KDM2B: variants seen among roughly 807,000 people sequenced by gnomAD.
KDM2B encodes the protein lysine-specific demethylase 2B.
A neutral mutation model predicts 150.0 loss-of-function variants in KDM2B; 26 were observed. That is an observed-to-expected ratio of 0.17 (90% confidence interval 0.13 to 0.24). The LOEUF (loss-of-function observed/expected upper bound fraction) is 0.24. Ranked by LOEUF, KDM2B falls within the 10% of genes least tolerant of loss-of-function variation. The pLI is 1.00. For missense variants in KDM2B, 1,265 were observed against 1,816.9 expected (o/e 0.70, Z 5.52); for synonymous variants, 734 against 729.5 (o/e 1.01, Z -0.10).
chr12:121,446,161 C>T (rs185415303), intron 13 of KDM2B, among the ~76,000 whole-genome samples: 187 of 152,180 alleles, frequency 1.2e-3, no homozygotes, highest in Middle Eastern at 3.4e-3. Context: ...TTTGGGAGGC[C>T]AAGGCGGGCG....
intron 2 of KDM2B, among the ~76,000 whole-genome samples, chr12:121,576,626 T>C (rs570084557): frequency 2.6e-4 from 39 of 152,238 alleles, no homozygotes; most frequent in African/African-American, 9.1e-4. Flanking sequence ...CCCAAATCCT[T>C]ACCCAAAGTC....
chr12:121,420,247 A>T, the KDM2B span: 4 of 1,608,906 alleles, frequency 2.5e-6, no homozygotes, highest in Admixed American at 6.7e-5. Flanking sequence ...TGTAGGTACA[A>T]AGTGAAATCA....
At position 121,467,256 on chromosome 12, in the gene KDM2B, C is replaced by A; in HGVS notation, c.1735-13912G>T. 2.0e-6 allele frequency: 2 copies of A among 987,694 alleles called. No homozygotes were observed. The highest frequency in any genetic ancestry group is 2.4e-6 in the Non-Finnish European group (2 of 832,760). 61.2% of individuals were successfully genotyped at this position (987,694 alleles called of 1,614,324 possible). A position where few individuals can be genotyped will look rare whatever the true frequency, so the allele number is the denominator to read the frequency against. On this transcript the variant is annotated intron_variant, in intron 12 of 22. Transcript: ENST00000377071. This position sits in a 1 kb window ranked among gnomAD's most constrained non-coding sequence, Gnocchi z 5.1. ...CTCGCGCGCGCTGACATGGCTGGAG[C>A]GGCGCCGCCGCCGCCGCCCGCCCGG... is the stretch of plus-strand genomic sequence containing the variant.
Position 121,442,511 on chromosome 12 carries a change from G to C in KDM2B, c.2930C>G (p.Pro977Arg). 1.9e-6 allele frequency: 3 copies of C among 1,599,644 alleles called. No individual in the cohort carries two copies. Among genetic ancestry groups the C allele is most frequent in the Non-Finnish European group, 2.5e-6 (3 of 1,179,870 alleles). ...NENQQPIKSE[P>R]ESEGEEPKRP... The stretch of plus-strand genomic sequence containing the variant: ...CTTGGGCTCCTCGCCCTCGCTCTCA[G>C]GCTCCGACTTGATGGGCTGCTGGTT... Residue 977 changes from proline (P) to arginine (R), a missense_variant, in exon 19 of 23, where the codon CCT becomes CGT. By Grantham distance (103) the Pro-to-Arg change is moderately radical. Around this residue, in one of 11 missense-constraint regions of KDM2B, gnomAD observed 418 missense variants for 402.4 expected, o/e 1.04. Transcript: ENST00000377071. The surrounding 1 kb of genome is among the most constrained non-coding windows in gnomAD (Gnocchi z 7.7).
chr12:121,415,749 G>C, the KDM2B span, among the ~76,000 whole-genome samples: 1 of 151,834 alleles, frequency 6.6e-6, no homozygotes, highest in African/African-American at 2.4e-5. Flanking sequence ...TAAAATACAG[G>C]GTGCCTGAAA....
chr12:121,539,247 T>A (rs994398193), intron 6 of KDM2B, among the ~76,000 whole-genome samples: 2 of 141,892 alleles, frequency 1.4e-5, no homozygotes, highest in Non-Finnish European at 3.0e-5. Context: ...GTGGGAGGAC[T>A]GCTTCACCTC....
In KDM2B at chr12:121,441,319, A is replaced by C. The variant is rs1593740097; in HGVS notation, c.3285-86T>G. On this transcript the variant is annotated intron_variant, in intron 19 of 22. Transcript: ENST00000377071. ...CACAGCTCTTAACTGTCCCCACCTA[A>C]CAACCTCTGGGAGGCTCCTTAACTC... The C allele has an allele frequency of 1.3e-5, 18 of 1,340,368 alleles. No individual in the cohort carries two copies. In the East Asian group the frequency reaches 4.2e-4, roughly 31 times the overall value. 83.0% of individuals were successfully genotyped at this position (1,340,368 alleles called of 1,614,324 possible).
At chr12:121,543,198 A>G (rs1233638959) in intron 6 of KDM2B, among the ~76,000 whole-genome samples, 8 of 152,110 alleles carry the variant, frequency 5.3e-5, no homozygotes, top group African/African-American at 9.7e-5. Flanking sequence ...TCTACTAAAA[A>G]TACAAAAATT....
chr12:121,411,442 A>C, the KDM2B span, among the ~76,000 whole-genome samples: 1 of 152,156 alleles, frequency 6.6e-6, no homozygotes, highest in African/African-American at 2.4e-5. Context: ...TAGTTGAAAA[A>C]AAAATTTTCA....
chr12:121,506,629 C>A (rs1885093321), intron 11 of KDM2B, among the ~76,000 whole-genome samples: 2 of 151,866 alleles, frequency 1.3e-5, no homozygotes, highest in African/African-American at 4.8e-5. Flanking sequence ...CGGTGAAACC[C>A]CCATCTCTAC....
In KDM2B at chr12:121,442,572, C is replaced by T; in HGVS notation, c.2869G>A (p.Glu957Lys). The T allele has an allele frequency of 1.2e-6, 2 of 1,600,930 alleles. No individual in the cohort carries two copies. ...SRELSKELNH[E>K]IQRTENSLAN... ...AGGCTGTTCTCCGTCCTCTGGATCT[C>T]GTGGTTGAGCTCCTTGCTCAGCTCC... The change falls in exon 19 of 23, where the codon GAG (glutamate) becomes AAG (lysine). Residue 957 changes from glutamate to lysine, a missense_variant. Around this residue, in one of 11 missense-constraint regions of KDM2B, gnomAD observed 418 missense variants for 402.4 expected, o/e 1.04. Coordinates refer to ENST00000377071, the MANE Select transcript of KDM2B (RefSeq NM_032590.5). The surrounding 1 kb of genome is among the most constrained non-coding windows in gnomAD (Gnocchi z 7.7).
Position 121,521,115 on chromosome 12 carries a change from G to GC in KDM2B, c.932-16dup. Reference sequence around the variant, plus strand: ...ATGGATCCAACCTGGGGTGGGAAGGGCAAGGAGAGGATGAGCCGCTGGCCC... The same window carrying GC: ...ATGGATCCAACCTGGGGTGGGAAGGGCCAAGGAGAGGATGAGCCGCTGGCCC... On this transcript the variant is annotated splice_polypyrimidine_tract_variant and intron_variant, in intron 8 of 22. Transcript: ENST00000377071. The surrounding 1 kb of genome is among the most constrained non-coding windows in gnomAD (Gnocchi z 4.9). 6.3e-7 allele frequency: 1 copy of GC among 1,585,274 alleles called. No individual in the cohort carries two copies. Among genetic ancestry groups the GC allele is most frequent in the Non-Finnish European group, 8.7e-7 (1 of 1,154,248 alleles).
intron 12 of KDM2B, among the ~76,000 whole-genome samples, chr12:121,465,610 A>G (rs954395567): frequency 2.6e-5 from 4 of 152,180 alleles, no homozygotes; most frequent in South Asian, 2.1e-4. Context: ...CAGAGACACA[A>G]TAAGTCTTGC....
chr12:121,412,397 G>A, the KDM2B span, among the ~76,000 whole-genome samples: 3 of 150,982 alleles, frequency 2.0e-5, no homozygotes, highest in Non-Finnish European at 4.4e-5. Flanking sequence ...CCGCCACCAC[G>A]CCAGGCTAAT....
chr12:121,480,366 T>C (rs1437903155), intron 12 of KDM2B, among the ~76,000 whole-genome samples: 2 of 152,096 alleles, frequency 1.3e-5, no homozygotes, highest in African/African-American at 4.8e-5. Flanking sequence ...GACAAATGCA[T>C]AGAGTGGGAT....
At chr12:121,421,399 C>CA in the KDM2B span, among the ~76,000 whole-genome samples, 2 of 89,934 alleles carry the variant, frequency 2.2e-5, no homozygotes, top group African/African-American at 3.8e-5. Flanking sequence ...AAAAAAAAAA[C>CA]CAAAAAAACC....
chr12:121,540,476 C>T (rs1888520437), intron 6 of KDM2B, among the ~76,000 whole-genome samples: 1 of 152,042 alleles, frequency 6.6e-6, no homozygotes, highest in Non-Finnish European at 1.5e-5. Flanking sequence ...GGGCCAGGTG[C>T]AGTGGCTCAC....
chr12:121,558,811 G>A (rs1037915897), intron 4 of KDM2B, among the ~76,000 whole-genome samples: 3 of 151,856 alleles, frequency 2.0e-5, no homozygotes, highest in Admixed American at 1.3e-4. Context: ...GGATGGTCTC[G>A]AATTCCTGAC....
intron 19 of KDM2B, among the ~76,000 whole-genome samples, chr12:121,441,931 C>G (rs1223663920): frequency 1.3e-5 from 2 of 152,244 alleles, no homozygotes; most frequent in African/African-American, 4.8e-5. Flanking sequence ...AAGGACTCCA[C>G]GTGGTCCTCA....
Sources: gnomAD v4.1 joint callset for allele counts (sites outside exome capture counted in the v4.1 genomes callset) on GRCh38, gnomAD v4.1.1 for gene constraint, gnomAD v4.1.1 regional missense constraint, Gnocchi (gnomAD v3.1) non-coding constraint, MANE v1.5 for transcripts, NCBI Gene and HGNC (gene_info 2026-07-23, HGNC 2026-07-21) for gene names.